Variants in LAMA2 observed in about 807,000 individuals in gnomAD.
The protein encoded by LAMA2 is laminin subunit alpha-2.
Under a neutral mutation model 364.8 loss-of-function variants are expected in LAMA2, and 269 were observed. That is an observed-to-expected ratio of 0.74 (90% CI 0.67 to 0.82). LAMA2 has a LOEUF of 0.82. LAMA2 is among the 40% of genes least tolerant of loss of function. The pLI is 0.00. For synonymous variants in LAMA2, 1,379 were observed against 1,370.6 expected (o/e 1.01, Z -0.14); for missense variants, 3,807 against 3,873.2 (o/e 0.98, Z 0.45).
At chr6:128,986,608 T>C (rs531363057) in intron 1 of LAMA2, among the ~76,000 whole-genome samples, 107 of 152,260 alleles carry the variant, frequency 7.0e-4, no homozygotes, top group Non-Finnish European at 1.4e-3. Flanking sequence ...TATCATTTCA[T>C]AATAATAATA....
At chr6:129,214,806 A>G (rs1257600900) in intron 12 of LAMA2, among the ~76,000 whole-genome samples, 2 of 152,208 alleles carry the variant, frequency 1.3e-5, no homozygotes, top group South Asian at 4.1e-4. Flanking sequence ...GTGTGTTGAT[A>G]TCCAAAAAAT....
chr6:129,120,509 T>C (rs1334954281), intron 4 of LAMA2, among the ~76,000 whole-genome samples: 1 of 152,164 alleles, frequency 6.6e-6, no homozygotes, highest in African/African-American at 2.4e-5. Context: ...AAAAATGTTT[T>C]GGGGTTTCAG....
chr6:129,240,074 T>C lies in LAMA2; in HGVS notation c.1783-10038T>C, dbSNP rs375022832. Among the ~76,000 whole-genome samples the C allele has an allele frequency of 9.2e-5, 14 of 152,266 alleles. No individual in the cohort carries two copies. The East Asian group carries it at 9.6e-4, about 10-fold the overall frequency. ...GCCCGTGGCAAATTACTGGTGTAAG[T>C]GCAAGGGTCCAAAAGCTGAAAAACT... On this transcript the variant is annotated intron_variant, in intron 12 of 64. Transcript: ENST00000421865.
At chr6:129,092,838 A>T (rs569213948) in intron 3 of LAMA2, among the ~76,000 whole-genome samples, 1 of 152,268 alleles carries the variant, frequency 6.6e-6, no homozygotes, top group Non-Finnish European at 1.5e-5. Flanking sequence ...TTTTGTGGAG[A>T]TCAGCCTAAG....
intron 56 of LAMA2, among the ~76,000 whole-genome samples, chr6:129,488,991 A>G (rs1195976582): frequency 1.3e-5 from 2 of 152,240 alleles, no homozygotes; most frequent in Non-Finnish European, 2.9e-5. Flanking sequence ...AAAATCATGT[A>G]CTACAAATAA....
At chr6:129,383,302 G>A in intron 35 of LAMA2, 69 bp downstream of exon 35, 1 of 1,194,418 alleles carries the variant, frequency 8.4e-7, no homozygotes, top group Non-Finnish European at 1.2e-6. Context: ...GATGACACAG[G>A]ACTGGAATTT....
chr6:129,082,971 T>A (rs2114842462), intron 3 of LAMA2, among the ~76,000 whole-genome samples: 1 of 152,212 alleles, frequency 6.6e-6, no homozygotes, highest in South Asian at 2.1e-4. Flanking sequence ...TATTTACAGA[T>A]ATTTTTTCTA....
At position 129,444,643 on chromosome 6, in the gene LAMA2, AT is replaced by A. The variant is rs1368991898; in HGVS notation, c.6275-1020del. ...TTCAAAATACCTACTTTAAAACCTA[AT>A]TTTAAAAAAATGATAATTTACTTCC... is the stretch of plus-strand genomic sequence containing the variant. On this transcript the variant is annotated intron_variant, in intron 44 of 64. Coordinates refer to ENST00000421865, the MANE Select transcript of LAMA2 (RefSeq NM_000426.4). Among the ~76,000 whole-genome samples the A allele has an allele frequency of 2.0e-5, 3 of 152,274 alleles. No homozygotes were observed. The East Asian group carries it at 5.8e-4, about 29-fold the overall frequency.
chr6:129,377,974 G>GA lies in LAMA2; in HGVS notation c.4960-5138dup, dbSNP rs558760122. 6.5e-4 allele frequency among the ~76,000 whole-genome samples: 96 copies of GA among 146,584 alleles called. 2 individuals are homozygous for GA. In the South Asian group the frequency reaches 0.014, roughly 21 times the overall value. ...CAAGAAAAAATAGAAAAAGAAATGG[G>GA]AAAAAAAAAACCTAGTTGAGTGAAT... On this transcript the variant is annotated intron_variant, in intron 34 of 64. Transcript: ENST00000421865.
intron 58 of LAMA2, among the ~76,000 whole-genome samples, chr6:129,501,279 A>G (rs1474200163): frequency 6.6e-6 from 1 of 152,220 alleles, no homozygotes; most frequent in Non-Finnish European, 1.5e-5. Flanking sequence ...CCTCTAAAAG[A>G]GGCCATTCAG....
At chr6:129,021,786 T>C (rs1785467427) in intron 1 of LAMA2, among the ~76,000 whole-genome samples, 1 of 152,224 alleles carries the variant, frequency 6.6e-6, no homozygotes. Flanking sequence ...TCAGAAAAGC[T>C]TGCTGTGTTC....
intron 4 of LAMA2, among the ~76,000 whole-genome samples, chr6:129,141,492 CAT>C (rs1778123035): frequency 6.6e-6 from 1 of 151,994 alleles, no homozygotes; most frequent in Admixed American, 6.6e-5. Context: ...TTAGGTGGAA[CAT>C]ATTCATATTT....
intron 1 of LAMA2, among the ~76,000 whole-genome samples, chr6:128,906,018 T>A (rs1260471287): frequency 6.6e-6 from 1 of 150,572 alleles, no homozygotes; most frequent in Non-Finnish European, 1.5e-5. Context: ...CCACATTTTC[T>A]TAATCCAGTC....
At chr6:129,407,585 A>C (rs1285916413) in intron 40 of LAMA2, among the ~76,000 whole-genome samples, 1 of 152,236 alleles carries the variant, frequency 6.6e-6, no homozygotes, top group Non-Finnish European at 1.5e-5. Context: ...TGACAATTAC[A>C]GTCTTCATTT....
chr6:129,157,431 A>C lies in LAMA2; in HGVS notation c.1206+2748A>C, dbSNP rs1244966468. ...GTAGTGAAGAAAGAGTCTGAGAACC[A>C]AGTTAACATCCTTATTCCACTCTAA... On this transcript the variant is annotated intron_variant, in intron 8 of 64. Coordinates refer to ENST00000421865, the MANE Select transcript of LAMA2 (RefSeq NM_000426.4). The C allele has an allele frequency of 6.8e-6, 10 of 1,459,880 alleles. No individual in the cohort carries two copies. In the Admixed American group the frequency reaches 1.7e-4, roughly 25 times the overall value. The allele number at this position is 1,459,880 out of a possible 1,614,324, so 90.4% of individuals were successfully genotyped here.
intron 18 of LAMA2, among the ~76,000 whole-genome samples, chr6:129,284,512 C>T (rs1348789545): frequency 2.6e-5 from 4 of 151,998 alleles, no homozygotes; most frequent in Admixed American, 6.6e-5. Context: ...TAAAAGTGCT[C>T]AGCTGATTTT....
At chr6:129,418,500 G>A (rs1780913260) in intron 40 of LAMA2, among the ~76,000 whole-genome samples, 1 of 152,110 alleles carries the variant, frequency 6.6e-6, no homozygotes, top group South Asian at 2.1e-4. Flanking sequence ...AAGTTGAACA[G>A]AATAAAAAAA....
At chr6:128,887,016 C>G (rs189346743) in intron 1 of LAMA2, among the ~76,000 whole-genome samples, 82 of 152,212 alleles carry the variant, frequency 5.4e-4, no homozygotes, top group African/African-American at 1.8e-3. Context: ...ATTTAAATTT[C>G]TGAATTCTTA....
intron 1 of LAMA2, among the ~76,000 whole-genome samples, chr6:128,942,740 T>C (rs1332930420): frequency 3.3e-5 from 5 of 152,204 alleles, no homozygotes; most frequent in Non-Finnish European, 4.4e-5. Flanking sequence ...ATCACTTACG[T>C]ATTTAATCTG....
Sources: allele counts gnomAD v4.1 joint callset (sites outside exome capture counted in the v4.1 genomes callset), GRCh38; gene constraint gnomAD v4.1.1; transcripts MANE v1.5; gene names NCBI Gene and HGNC (gene_info 2026-07-23, HGNC 2026-07-21).